KIAA1217: variants seen among roughly 807,000 people sequenced by gnomAD.
The protein encoded by KIAA1217 is sickle tail protein homolog.
KIAA1217 carries 88 observed loss-of-function variants against 163.9 expected under a neutral mutation model. That is an observed-to-expected ratio of 0.54 (90% CI 0.45 to 0.64). The LOEUF (loss-of-function observed/expected upper bound fraction) is 0.64. Among genes scored for constraint, KIAA1217 ranks in the 30% least tolerant of loss-of-function variants. The probability of loss-of-function intolerance (pLI) is 0.00; values close to 1 mark genes in which losing one functional copy is unlikely to be tolerated. For synonymous variants in KIAA1217, 903 were observed against 923.1 expected, an observed-to-expected ratio of 0.98 and a Z score of 0.39; for missense variants, 2,372 against 2,475.0, an observed-to-expected ratio of 0.96 and a Z score of 0.88.
At chr10:24,457,344 T>TTGTGTG (rs376333005) in intron 5 of KIAA1217, among the ~76,000 whole-genome samples, 20 of 130,824 alleles carry the variant, frequency 1.5e-4, no homozygotes, top group Admixed American at 4.8e-4. Flanking sequence ...GTTTTTTGTT[T>TTGTGTG]TGTGTGTGTG....
At chr10:23,737,859 T>G (rs1456946502) in intron 1 of KIAA1217, among the ~76,000 whole-genome samples, 1 of 152,188 alleles carries the variant, frequency 6.6e-6, no homozygotes, top group African/African-American at 2.4e-5. Flanking sequence ...TTCACAGTTT[T>G]ATTAATCTCT....
rs376889111 is a variant in KIAA1217 at position 24,130,106 on chromosome 10, A to C, written c.-170-89520A>C. Among the ~76,000 whole-genome samples, 23 of 152,230 alleles carry C rather than the reference A, an allele frequency of 1.5e-4. No homozygotes were observed. The East Asian group carries it at 4.2e-3, about 28-fold the overall frequency. ...TTTTACTCACATCCTTTCCTCCTTCAGTGTACAAGTTATAACTCAACCTTT... is the reference window on the plus strand; with the variant it reads ...TTTTACTCACATCCTTTCCTCCTTCCGTGTACAAGTTATAACTCAACCTTT... On this transcript the variant is annotated intron_variant, in intron 2 of 18. Coordinates refer to the KIAA1217 transcript ENST00000376462.
At chr10:24,397,899 A>T (rs1351298021) in intron 3 of KIAA1217, among the ~76,000 whole-genome samples, 1 of 152,168 alleles carries the variant, frequency 6.6e-6, no homozygotes, top group African/African-American at 2.4e-5. Context: ...CAGCCAGTAG[A>T]GTAATCAGGA....
intron 1 of KIAA1217, among the ~76,000 whole-genome samples, chr10:23,934,557 GTATATATATATATATATATATA>G (rs778185120): frequency 2.3e-5 from 1 of 44,348 alleles, no homozygotes; most frequent in South Asian, 7.1e-4. Context: ...GGTCTTTAAA[GTATATATATATATATATATATA>G]TATATATATA....
At chr10:23,789,339 A>C (rs907391912) in intron 1 of KIAA1217, among the ~76,000 whole-genome samples, 5 of 152,272 alleles carry the variant, frequency 3.3e-5, no homozygotes, top group African/African-American at 1.2e-4. Flanking sequence ...GAAAACAAAA[A>C]CCTGCCATTT....
chr10:24,014,966 AAAT>A (rs1234465465), intron 2 of KIAA1217, among the ~76,000 whole-genome samples: 2 of 151,810 alleles, frequency 1.3e-5, no homozygotes, highest in African/African-American at 4.9e-5. Flanking sequence ...TATAATTCTA[AAAT>A]AATATTATTC....
chr10:24,540,003 C>T (rs1333974160), intron 17 of KIAA1217, among the ~76,000 whole-genome samples: 1 of 152,154 alleles, frequency 6.6e-6, no homozygotes, highest in African/African-American at 2.4e-5. Context: ...TACCTTTCAC[C>T]CAGAGTCTTG....
At chr10:23,768,257 G>A (rs1834629041) in intron 1 of KIAA1217, among the ~76,000 whole-genome samples, 1 of 152,182 alleles carries the variant, frequency 6.6e-6, no homozygotes, top group African/African-American at 2.4e-5. Flanking sequence ...AGGAGGGATA[G>A]GAATGATGAC....
chr10:23,795,011 A>C (rs1836133046), intron 1 of KIAA1217, among the ~76,000 whole-genome samples: 1 of 152,156 alleles, frequency 6.6e-6, no homozygotes, highest in African/African-American at 2.4e-5. Context: ...TTTCTTCCTC[A>C]CGGGACCCTC....
At chr10:24,269,570 A>G (rs1025100540) in intron 2 of KIAA1217, among the ~76,000 whole-genome samples, 3 of 152,148 alleles carry the variant, frequency 2.0e-5, no homozygotes, top group African/African-American at 4.8e-5. Context: ...AACAGAGCAA[A>G]TTACACTTTG....
intron 1 of KIAA1217, among the ~76,000 whole-genome samples, chr10:24,210,267 C>T (rs190379025): frequency 9.4e-4 from 143 of 152,150 alleles, no homozygotes; most frequent in Non-Finnish European, 1.7e-3. Context: ...GTCAGGAGAA[C>T]TTACAATGAC....
intron 8 of KIAA1217, among the ~76,000 whole-genome samples, chr10:24,498,772 C>T (rs1195906892): frequency 6.6e-6 from 1 of 152,122 alleles, no homozygotes; most frequent in Non-Finnish European, 1.5e-5. Flanking sequence ...GGAATTGCAC[C>T]GCTGCACTCA....
intron 2 of KIAA1217, among the ~76,000 whole-genome samples, chr10:24,098,724 CGT>C (rs10524680): frequency 0.036 from 5,022 of 138,600 alleles, 81 homozygotes; most frequent in South Asian, 0.045. Context: ...TGAAGGGGAG[CGT>C]GTGTGTGTGT....
intron 2 of KIAA1217, among the ~76,000 whole-genome samples, chr10:24,083,965 G>C (rs1490108907): frequency 6.6e-6 from 1 of 152,142 alleles, no homozygotes; most frequent in East Asian, 1.9e-4. Flanking sequence ...TGAGGAGCTA[G>C]GCTTCAGGAG....
chr10:24,406,090 T>C (rs1299203754), intron 3 of KIAA1217, among the ~76,000 whole-genome samples: 1 of 152,192 alleles, frequency 6.6e-6, no homozygotes, highest in Non-Finnish European at 1.5e-5. Flanking sequence ...TTTCCTTTCA[T>C]ATCAGCTCCA....
At chr10:23,793,893 C>T (rs959325609) in intron 1 of KIAA1217, among the ~76,000 whole-genome samples, 2 of 152,124 alleles carry the variant, frequency 1.3e-5, no homozygotes, top group Non-Finnish European at 2.9e-5. Flanking sequence ...GACCTTTTCT[C>T]CCTACGGTTC....
At chr10:23,815,732 C>G (rs1246685638) in intron 1 of KIAA1217, among the ~76,000 whole-genome samples, 2 of 152,164 alleles carry the variant, frequency 1.3e-5, no homozygotes, top group Non-Finnish European at 2.9e-5. Flanking sequence ...AAAGAAAATA[C>G]AAACTTATAT....
intron 2 of KIAA1217, among the ~76,000 whole-genome samples, chr10:24,344,786 G>T (rs1333855000): frequency 1.3e-5 from 2 of 152,168 alleles, no homozygotes; most frequent in African/African-American, 4.8e-5. Context: ...AAATAAATGA[G>T]ATTTCTTTCT....
In KIAA1217 at chr10:24,494,582, A is replaced by G. The variant is rs1319734741; in HGVS notation, c.1762A>G (p.Ser588Gly). ...QSALFKGPIT[S>G]YSKDASSEKM... ...TGCGCTTTTTAAAGGGCCCATTACA[A>G]GTTATAGCAAAGATGCGTCTAGGTA... Residue 588 changes from serine to glycine, a missense_variant, in exon 7 of 21, where the codon AGT becomes GGT. Physicochemically the swap from Ser to Gly is moderately conservative, Grantham distance 56. Around this residue, in one of 3 missense-constraint regions of KIAA1217, gnomAD observed 1,431 missense variants for 1,470.3 expected, o/e 0.97. Coordinates refer to ENST00000376454, the MANE Select transcript of KIAA1217 (RefSeq NM_019590.5). The G allele has an allele frequency of 1.9e-6, 3 of 1,612,606 alleles. No individual in the cohort carries two copies. The highest frequency in any genetic ancestry group is 2.2e-5 in the South Asian group (2 of 90,888).
Sources: gnomAD v4.1 joint callset for allele counts (sites outside exome capture counted in the v4.1 genomes callset) on GRCh38, gnomAD v4.1.1 for gene constraint, gnomAD v4.1.1 regional missense constraint, MANE v1.5 for transcripts, NCBI Gene and HGNC (gene_info 2026-07-23, HGNC 2026-07-21) for gene names.